The following QTMAN variants were observed in gnomAD, a reference collection of about 807,000 sequenced individuals.
The protein encoded by QTMAN is tRNA-queuosine alpha-mannosyltransferase.
the QTMAN span, among the ~76,000 whole-genome samples, chr2:144,022,716 AC>A: frequency 6.6e-6 from 1 of 151,862 alleles, no homozygotes; most frequent in Admixed American, 6.6e-5. Context: ...GACGCACGCC[AC>A]TGCGTCCAGC....
At chr2:144,019,139 T>C in the QTMAN span, among the ~76,000 whole-genome samples, 1 of 152,118 alleles carries the variant, frequency 6.6e-6, no homozygotes, top group Admixed American at 6.5e-5. Flanking sequence ...CTGCCCTTAA[T>C]GACACAAGTG....
the QTMAN span, among the ~76,000 whole-genome samples, chr2:144,175,019 G>A: frequency 6.6e-6 from 1 of 152,092 alleles, no homozygotes; most frequent in Non-Finnish European, 1.5e-5. Context: ...AGGGGACCAG[G>A]AAGTAAAATA....
chr2:144,124,808 C>A, the QTMAN span, among the ~76,000 whole-genome samples: 1 of 152,094 alleles, frequency 6.6e-6, no homozygotes, highest in African/African-American at 2.4e-5. Context: ...CCATTTGCTT[C>A]CTTTGCTAGA....
At chr2:144,169,725 T>C in the QTMAN span, among the ~76,000 whole-genome samples, 1 of 152,096 alleles carries the variant, frequency 6.6e-6, no homozygotes, top group Non-Finnish European at 1.5e-5. Flanking sequence ...AGATCTTTGA[T>C]TGCATGGGTT....
At chr2:144,010,770 C>G in the QTMAN span, among the ~76,000 whole-genome samples, 1 of 151,944 alleles carries the variant, frequency 6.6e-6, no homozygotes, top group African/African-American at 2.4e-5. Context: ...CTATGAATAG[C>G]CTGGTTAAGT....
chr2:144,198,222 A>T, the QTMAN span, among the ~76,000 whole-genome samples: 1 of 152,178 alleles, frequency 6.6e-6, no homozygotes, highest in African/African-American at 2.4e-5. Context: ...TGTTTAAAAA[A>T]AAAAAACAAA....
the QTMAN span, among the ~76,000 whole-genome samples, chr2:144,091,480 T>C: frequency 1.3e-4 from 20 of 152,286 alleles, no homozygotes; most frequent in East Asian, 5.8e-4. Context: ...AGGCAAAGAA[T>C]AGAGGAAAAT....
At chr2:143,957,004 G>A in the QTMAN span, among the ~76,000 whole-genome samples, 3 of 152,064 alleles carry the variant, frequency 2.0e-5, no homozygotes, top group African/African-American at 7.2e-5. Flanking sequence ...TATGTGGGGG[G>A]AAAAATGAAA....
At chr2:144,083,175 C>A in the QTMAN span, among the ~76,000 whole-genome samples, 1 of 152,208 alleles carries the variant, frequency 6.6e-6, no homozygotes, top group Non-Finnish European at 1.5e-5. Flanking sequence ...ATGTGGTCTG[C>A]GGACATGGAC....
At chr2:143,995,599 C>G in the QTMAN span, among the ~76,000 whole-genome samples, 4 of 152,088 alleles carry the variant, frequency 2.6e-5, no homozygotes, top group African/African-American at 7.2e-5. Flanking sequence ...ACTGAAGGCA[C>G]AAGGCTGGTA....
the QTMAN span, among the ~76,000 whole-genome samples, chr2:144,236,145 T>C: frequency 3.9e-5 from 6 of 152,082 alleles, no homozygotes; most frequent in Non-Finnish European, 7.4e-5. Flanking sequence ...AAAAGGTCTA[T>C]AGTCCAAAAA....
At chr2:144,052,728 C>T in the QTMAN span, among the ~76,000 whole-genome samples, 2 of 152,056 alleles carry the variant, frequency 1.3e-5, no homozygotes, top group Admixed American at 6.6e-5. Flanking sequence ...CTTAGCTCAC[C>T]GCAACCTCTG....
At chr2:144,132,341 T>C in the QTMAN span, among the ~76,000 whole-genome samples, 1 of 152,074 alleles carries the variant, frequency 6.6e-6, no homozygotes, top group South Asian at 2.1e-4. Context: ...TGAGCCACTC[T>C]GGCTAAGAGA....
At chr2:144,321,983 C>A in the QTMAN span, among the ~76,000 whole-genome samples, 2 of 152,154 alleles carry the variant, frequency 1.3e-5, no homozygotes, top group African/African-American at 4.8e-5. Flanking sequence ...CAAGAATGAC[C>A]ATTAACTGTA....
chr2:144,241,300 A>G, the QTMAN span, among the ~76,000 whole-genome samples: 2 of 152,198 alleles, frequency 1.3e-5, no homozygotes, highest in Non-Finnish European at 2.9e-5. Context: ...TAGAGTAAGA[A>G]TGGCCTGGTT....
the QTMAN span, among the ~76,000 whole-genome samples, chr2:144,118,135 C>T: frequency 3.3e-5 from 5 of 151,808 alleles, no homozygotes; most frequent in Admixed American, 6.6e-5. Context: ...CATGAGCCAC[C>T]GTGCAGTACA....
chr2:144,077,214 C>A, the QTMAN span, among the ~76,000 whole-genome samples: 1 of 152,228 alleles, frequency 6.6e-6, no homozygotes, highest in African/African-American at 2.4e-5. Context: ...TACACAATGA[C>A]TCCCAAGGCA....
the QTMAN span, among the ~76,000 whole-genome samples, chr2:144,269,552 C>T: frequency 1.3e-5 from 2 of 151,898 alleles, no homozygotes; most frequent in African/African-American, 2.4e-5. Context: ...CCTTCTCACC[C>T]CAAAAATCTA....
the QTMAN span, chr2:144,317,573 T>C: frequency 6.6e-6 from 1 of 152,162 alleles, no homozygotes; most frequent in Admixed American, 6.5e-5. Flanking sequence ...ACTAAATGGG[T>C]CCTTTGTAAA....
Sources: allele counts gnomAD v4.1 joint callset (sites outside exome capture counted in the v4.1 genomes callset), GRCh38; gene constraint gnomAD v4.1.1; transcripts MANE v1.5; gene names NCBI Gene and HGNC (gene_info 2026-07-23, HGNC 2026-07-21).